Variants in CSRP1 observed in about 807,000 individuals in gnomAD.
The protein encoded by CSRP1 is cysteine and glycine-rich protein 1.
A neutral mutation model predicts 25.4 loss-of-function variants in CSRP1; 16 were observed. That is an observed-to-expected ratio of 0.63 (90% CI 0.43 to 0.96). The LOEUF (loss-of-function observed/expected upper bound fraction) is 0.96. Among genes scored for constraint, CSRP1 ranks in the 40% least tolerant of loss-of-function variants. The pLI, the probability that CSRP1 is intolerant of heterozygous loss-of-function variation, is 0.00. For missense variants in CSRP1, 212 were observed against 243.6 expected, an observed-to-expected ratio of 0.87 and a Z score of 0.86; for synonymous variants, 97 against 95.3, an observed-to-expected ratio of 1.02 and a Z score of -0.10.
chr1:201,493,602 T>C (rs959123378), intron 2 of CSRP1, among the ~76,000 whole-genome samples: 3 of 152,224 alleles, frequency 2.0e-5, no homozygotes, highest in South Asian at 4.1e-4. Context: ...GTCTCAGGTA[T>C]GTCTTTATTA....
At chr1:201,492,382 C>A (rs1557973301) in intron 2 of CSRP1, 1 of 152,452 alleles carries the variant, frequency 6.6e-6, no homozygotes, top group African/African-American at 2.4e-5. Context: ...TCCTGCCCAT[C>A]GTGGCCCTCT....
intron 5 of CSRP1, 129 bp from the exon 6 acceptor site, chr1:201,484,918 C>G: frequency 1.3e-6 from 1 of 747,642 alleles, no homozygotes; most frequent in Non-Finnish European, 2.3e-6. Flanking sequence ...TCCACTGGTA[C>G]CCCCTCACCT....
chr1:201,484,134 C>A lies in CSRP1; in HGVS notation c.*579G>T. On this transcript the variant is annotated 3_prime_UTR_variant, in exon 6 of 6. Transcript: ENST00000340006. Reference sequence around the variant, plus strand: ...CCACAAAGACTCAAAGGCAAGAGGCCTGGAGAAGCAGGGGCTCCTAGGACC... The same window carrying A: ...CCACAAAGACTCAAAGGCAAGAGGCATGGAGAAGCAGGGGCTCCTAGGACC... 3.1e-6 allele frequency: 2 copies of A among 653,548 alleles called. No homozygotes were observed. Among genetic ancestry groups the A allele is most frequent in the Non-Finnish European group, 5.7e-6 (2 of 350,296 alleles). 40.5% of individuals were successfully genotyped at this position (653,548 alleles called of 1,614,324 possible).
At chr1:201,494,571 TGGGGCCCCTGCTGCCCTGTGCG>T (rs1664443375) in intron 2 of CSRP1, among the ~76,000 whole-genome samples, 1 of 152,192 alleles carries the variant, frequency 6.6e-6, no homozygotes, top group African/African-American at 2.4e-5. Flanking sequence ...GAGCAGGATG[TGGGGCCCCTGCTGCCCTGTGCG>T]GGGTGGCCTC....
At chr1:201,490,623 C>T (rs1664311019) in intron 2 of CSRP1, 1 of 343,828 alleles carries the variant, frequency 2.9e-6, no homozygotes, top group Non-Finnish European at 5.5e-6. Flanking sequence ...CCCTAAACTT[C>T]CTCAGGCTGC....
At chr1:201,495,409 G>A (rs1407162375) in intron 2 of CSRP1, among the ~76,000 whole-genome samples, 1 of 152,120 alleles carries the variant, frequency 6.6e-6, no homozygotes, top group Non-Finnish European at 1.5e-5. Flanking sequence ...TGCTGAAGTT[G>A]CCTCTTCTTC....
chr1:201,501,212 G>A (rs759299883), intron 1 of CSRP1, among the ~76,000 whole-genome samples: 5 of 152,158 alleles, frequency 3.3e-5, no homozygotes, highest in South Asian at 2.1e-4. Context: ...CCAGTCATAC[G>A]TCGACTCCAC....
chr1:201,500,363 T>C (rs1202128468), intron 1 of CSRP1, among the ~76,000 whole-genome samples: 2 of 152,240 alleles, frequency 1.3e-5, no homozygotes, highest in African/African-American at 4.8e-5. Flanking sequence ...CCTCCCCTTG[T>C]TTTCCCTGGC....
At chr1:201,493,192 T>G (rs1333545146) in intron 2 of CSRP1, among the ~76,000 whole-genome samples, 4 of 152,178 alleles carry the variant, frequency 2.6e-5, no homozygotes, top group Middle Eastern at 3.2e-3. Context: ...GGGAGTATAC[T>G]GTAGGCCCTC....
chr1:201,499,009 G>A (rs1664590333), intron 1 of CSRP1, among the ~76,000 whole-genome samples: 2 of 152,168 alleles, frequency 1.3e-5, no homozygotes, highest in Admixed American at 6.5e-5. Context: ...AGGAATTTCT[G>A]TAACTGCTCA....
At position 201,484,329 on chromosome 1, in the gene CSRP1, C is replaced by G; in HGVS notation, c.*384G>C. ...ATCTTGGTCTTGCTTCCCTCTCCCT[C>G]CAGCCTGTTGCTGCTGCTCCTCTGG... On this transcript the variant is annotated 3_prime_UTR_variant, in exon 6 of 6. Coordinates refer to ENST00000340006, the MANE Select transcript of CSRP1 (RefSeq NM_004078.3). 1 of 510,188 alleles carries G rather than the reference C, an allele frequency of 2.0e-6. No homozygotes were observed. The highest frequency in any genetic ancestry group is 3.5e-6 in the Non-Finnish European group (1 of 284,504). 31.6% of individuals were successfully genotyped at this position (510,188 alleles called of 1,614,324 possible).
At chr1:201,491,010 C>T (rs1399721226) in intron 2 of CSRP1, 1 of 152,270 alleles carries the variant, frequency 6.6e-6, no homozygotes, top group African/African-American at 2.4e-5. Flanking sequence ...GAAGAACTTC[C>T]TGACTCCTGG....
chr1:201,504,044 T>G (rs1571790779), intron 1 of CSRP1, among the ~76,000 whole-genome samples: 1 of 152,226 alleles, frequency 6.6e-6, no homozygotes, highest in East Asian at 1.9e-4. Context: ...TATAAGCCAC[T>G]GTAAAGCACC....
chr1:201,505,436 C>T (rs1664797837), intron 1 of CSRP1, among the ~76,000 whole-genome samples: 3 of 152,204 alleles, frequency 2.0e-5, no homozygotes, highest in Admixed American at 2.0e-4. Flanking sequence ...GGCCACAGCA[C>T]CCCTGTTTTT....
chr1:201,485,409 A>G, intron 4 of CSRP1, 33 bp from the exon 5 acceptor site: 2 of 1,592,324 alleles, frequency 1.3e-6, no homozygotes, highest in African/African-American at 1.3e-5. Context: ...AATGGCTGCC[A>G]CCAGTGATGA....
chr1:201,502,224 G>A (rs762974480), intron 1 of CSRP1, among the ~76,000 whole-genome samples: 2 of 152,192 alleles, frequency 1.3e-5, no homozygotes, highest in Non-Finnish European at 2.9e-5. Context: ...AAGAGTGACT[G>A]ACGGCACAGG....
intron 1 of CSRP1, 38 bp from the exon 2 acceptor site, chr1:201,496,342 G>A (rs1464078866): frequency 3.4e-6 from 5 of 1,480,306 alleles, no homozygotes; most frequent in Non-Finnish European, 4.7e-6. Flanking sequence ...AATTTTACAG[G>A]GAGATGGAAA....
intron 2 of CSRP1, chr1:201,490,616 T>C: frequency 2.7e-6 from 1 of 368,814 alleles, no homozygotes; most frequent in South Asian, 3.8e-5. Flanking sequence ...TCTGCACCCC[T>C]AAACTTCCTC....
intron 1 of CSRP1, among the ~76,000 whole-genome samples, chr1:201,504,118 A>T (rs1259901781): frequency 6.6e-6 from 1 of 152,230 alleles, no homozygotes; most frequent in African/African-American, 2.4e-5. Flanking sequence ...TGGAAAAAGG[A>T]AATGTAGAGG....
Sources: allele counts gnomAD v4.1 joint callset (sites outside exome capture counted in the v4.1 genomes callset), GRCh38; gene constraint gnomAD v4.1.1; transcripts MANE v1.5; gene names NCBI Gene and HGNC (gene_info 2026-07-23, HGNC 2026-07-21).